LAMC3: variants seen among roughly 807,000 people sequenced by gnomAD.
LAMC3 encodes laminin subunit gamma 3, also known as laminin subunit gamma-3.
Under a neutral mutation model 173.8 loss-of-function variants are expected in LAMC3, and 128 were observed. The observed-to-expected ratio is 0.74, with a 90% confidence interval of 0.64 to 0.85. The LOEUF (loss-of-function observed/expected upper bound fraction) is 0.85. Ranked by LOEUF, LAMC3 falls within the 40% of genes least tolerant of loss-of-function variation. LAMC3 has a pLI of 0.00. For missense variants in LAMC3, 2,022 were observed against 2,156.0 expected (o/e 0.94, Z 1.23); for synonymous variants, 897 against 909.1 (o/e 0.99, Z 0.24).
chr9:131,012,150 C>A (rs1210973910), intron 1 of LAMC3, among the ~76,000 whole-genome samples: 1 of 152,052 alleles, frequency 6.6e-6, no homozygotes, highest in Non-Finnish European at 1.5e-5. Flanking sequence ...GAAAACCAGG[C>A]ATATAGGAGA....
At chr9:131,033,112 C>T (rs1448810564) in intron 3 of LAMC3, among the ~76,000 whole-genome samples, 1 of 152,202 alleles carries the variant, frequency 6.6e-6, no homozygotes, top group African/African-American at 2.4e-5. Flanking sequence ...AACATCTGTC[C>T]CCTCCAGGAA....
intron 13 of LAMC3, among the ~76,000 whole-genome samples, chr9:131,064,388 G>A (rs1829884835): frequency 1.3e-5 from 2 of 152,222 alleles, no homozygotes; most frequent in Admixed American, 1.3e-4. Context: ...ACATGGCCGG[G>A]CACAGTGGCT....
chr9:131,016,776 T>A (rs540873310), intron 1 of LAMC3, among the ~76,000 whole-genome samples: 15 of 152,330 alleles, frequency 9.8e-5, no homozygotes, highest in African/African-American at 3.6e-4. Flanking sequence ...TTAAAATCCC[T>A]AAAGAGTAGG....
intron 3 of LAMC3, among the ~76,000 whole-genome samples, chr9:131,032,467 GCTCTCGCTCTCTTT>G (rs1192475371): frequency 1.4e-5 from 2 of 147,032 alleles, no homozygotes; most frequent in East Asian, 4.1e-4. Context: ...TCCTCCCTTC[GCTCTCGCTCTCTTT>G]CTCTCGCTCT....
chr9:131,038,791 G>C, intron 4 of LAMC3, 73 bp from the exon 5 acceptor site: 1 of 1,483,752 alleles, frequency 6.7e-7, no homozygotes, highest in Non-Finnish European at 9.3e-7. Context: ...GCACAGGGAG[G>C]CTGACTGACA....
At chr9:131,060,790 G>A (rs1829793058) in intron 12 of LAMC3, among the ~76,000 whole-genome samples, 1 of 152,148 alleles carries the variant, frequency 6.6e-6, no homozygotes, top group South Asian at 2.1e-4. Flanking sequence ...TTTTGCAGAT[G>A]GGGAGACTGA....
intron 1 of LAMC3, among the ~76,000 whole-genome samples, chr9:131,025,598 G>A (rs375624064): frequency 6.6e-6 from 1 of 152,066 alleles, no homozygotes; most frequent in Admixed American, 6.5e-5. Flanking sequence ...TGGAGGCCCC[G>A]GGAGAGGGGA....
At chr9:131,078,139 G>A (rs370825879) in intron 22 of LAMC3, among the ~76,000 whole-genome samples, 6 of 152,248 alleles carry the variant, frequency 3.9e-5, no homozygotes, top group African/African-American at 9.6e-5. Context: ...TGCATGAACC[G>A]GGTCCATCGT....
chr9:131,029,019 TG>T lies in LAMC3; in HGVS notation c.678+2432del, dbSNP rs1833779873. On this transcript the variant is annotated intron_variant, in intron 2 of 27. Coordinates refer to ENST00000361069, the MANE Select transcript of LAMC3 (RefSeq NM_006059.4). The surrounding 1 kb of genome is among the most constrained non-coding windows in gnomAD (Gnocchi z 4.6). ...GTGTAGACACGGCTGACCACCTGTG[TG>T]GCTGACCTGTCTCCAGCCCCTCCAG... 6.6e-6 allele frequency among the ~76,000 whole-genome samples: 1 copy of T among 152,028 alleles called. No homozygotes were observed. The highest frequency in any genetic ancestry group is 2.1e-4 in the South Asian group (1 of 4,816).
At chr9:131,087,350 C>T (rs1316452364) in intron 25 of LAMC3, 126 bp from the exon 26 acceptor site, 2 of 1,213,444 alleles carry the variant, frequency 1.6e-6, no homozygotes, top group Non-Finnish European at 2.5e-6. Context: ...TTGTTGCGTG[C>T]ATGAATGAAT....
intron 25 of LAMC3, 102 bp from the exon 26 acceptor site, chr9:131,087,374 G>A: frequency 7.1e-7 from 1 of 1,400,492 alleles, no homozygotes; most frequent in South Asian, 1.2e-5. Context: ...TGATCTGCCT[G>A]GTACAGACAA....
At chr9:131,085,855 T>C in intron 25 of LAMC3, 132 bp downstream of exon 25, 2 of 823,566 alleles carry the variant, frequency 2.4e-6, no homozygotes, top group East Asian at 5.3e-5. Flanking sequence ...GGCAATTAGC[T>C]CAGAGACTTC....
chr9:131,028,987 G>A (rs536814558), intron 2 of LAMC3, among the ~76,000 whole-genome samples: 2 of 152,222 alleles, frequency 1.3e-5, no homozygotes, highest in East Asian at 3.9e-4. Context: ...TTTACTGGAG[G>A]CTGGCAGTGT....
chr9:131,045,523 G>C lies in LAMC3; in HGVS notation c.1383-1G>C, dbSNP rs768710385. On this transcript the variant is annotated splice_acceptor_variant, in intron 7 of 27. Transcript: ENST00000361069. LOFTEE classifies it high-confidence loss of function. ...GTGGGCATGTCCTGCCTCCATTTCA[G>C]ATGTCGCCCGGGGACCTTTAACCTG... is the stretch of plus-strand genomic sequence containing the variant. 5.6e-6 allele frequency: 9 copies of C among 1,613,358 alleles called. No homozygotes were observed. Among genetic ancestry groups the C allele is most frequent in the Non-Finnish European group, 7.6e-6 (9 of 1,180,040 alleles).
chr9:131,079,186 C>T lies in LAMC3; in HGVS notation c.3815C>T (p.Ala1272Val), dbSNP rs146180154. The T allele has an allele frequency of 2.3e-5, 37 of 1,613,890 alleles. 1 individual carries two copies. The highest frequency in any genetic ancestry group is 1.8e-4 in the Admixed American group (11 of 59,990). ...KSRAEDLGLK[A>V]KALEKTVASW... ...CGGGCTGAAGACCTGGGCCTGAAGG[C>T]GAAGGCCCTGGAGAAGACAGTTGCA... Residue 1272 changes from alanine to valine, a missense_variant, in exon 23 of 28, where the codon GCG (alanine) becomes GTG (valine). Coordinates refer to ENST00000361069, the MANE Select transcript of LAMC3 (RefSeq NM_006059.4).
intron 11 of LAMC3, 64 bp downstream of exon 11, chr9:131,053,029 C>A: frequency 1.6e-6 from 2 of 1,217,438 alleles, no homozygotes; most frequent in Non-Finnish European, 2.4e-6. Flanking sequence ...CTGGGCTGGG[C>A]TCCGGCGGTC....
intron 16 of LAMC3, 136 bp from the exon 17 acceptor site, chr9:131,069,536 G>C: frequency 1.2e-6 from 1 of 832,216 alleles, no homozygotes; most frequent in Non-Finnish European, 2.0e-6. Context: ...AAGGGCCCAG[G>C]AATGTTTTTG....
chr9:131,059,327 C>G (rs1406672180), intron 12 of LAMC3, among the ~76,000 whole-genome samples: 1 of 151,650 alleles, frequency 6.6e-6, no homozygotes, highest in East Asian at 1.9e-4. Flanking sequence ...CCCATCTCTA[C>G]TAAAAATACA....
chr9:131,083,901 G>C (rs1194988064), intron 24 of LAMC3, among the ~76,000 whole-genome samples: 1 of 106,298 alleles, frequency 9.4e-6, no homozygotes, highest in Admixed American at 1.4e-4. Context: ...TTGAGATAGA[G>C]TCTCGCTCTG....
Sources: allele counts gnomAD v4.1 joint callset (sites outside exome capture counted in the v4.1 genomes callset), GRCh38; gene constraint gnomAD v4.1.1; non-coding constraint Gnocchi (gnomAD v3.1); transcripts MANE v1.5; gene names NCBI Gene and HGNC (gene_info 2026-07-23, HGNC 2026-07-21).